The following RFX4 variants were observed in gnomAD, a reference collection of about 807,000 sequenced individuals.
RFX4 encodes regulatory factor X4.
Under a neutral mutation model 95.0 loss-of-function variants are expected in RFX4, and 10 were observed. The ratio of observed to expected loss-of-function variants is 0.11; its 90% CI spans 0.06 to 0.18. The LOEUF (loss-of-function observed/expected upper bound fraction) is 0.18, where lower values mean the gene tolerates loss of function less well. Ranked by LOEUF, RFX4 falls within the 10% of genes least tolerant of loss-of-function variation. The pLI is 1.00. For missense variants in RFX4, 640 were observed against 922.0 expected, an observed-to-expected ratio of 0.69 and a Z score of 3.96; for synonymous variants, 321 against 340.7, an observed-to-expected ratio of 0.94 and a Z score of 0.64.
chr12:106,701,080 A>G (rs537841436), intron 8 of RFX4, among the ~76,000 whole-genome samples: 1 of 152,314 alleles, frequency 6.6e-6, no homozygotes, highest in South Asian at 2.1e-4. Context: ...TCTAGTGGTA[A>G]CAAATTATTT....
intron 4 of RFX4, among the ~76,000 whole-genome samples, chr12:106,666,478 C>A (rs2041178402): frequency 6.6e-6 from 1 of 152,070 alleles, no homozygotes; most frequent in African/African-American, 2.4e-5. Context: ...AATTCTCAGT[C>A]ATTTTTGTTT....
intron 17 of RFX4, among the ~76,000 whole-genome samples, chr12:106,751,514 T>C (rs1266082961): frequency 6.6e-6 from 1 of 151,176 alleles, no homozygotes; most frequent in African/African-American, 2.4e-5. Context: ...ATCGCCACAC[T>C]GACTTCCACA....
intron 13 of RFX4, among the ~76,000 whole-genome samples, chr12:106,723,269 G>A (rs777042199): frequency 6.6e-6 from 1 of 152,164 alleles, no homozygotes; most frequent in Non-Finnish European, 1.5e-5. Context: ...AGTTACCAAA[G>A]GTAGGCTATC....
chr12:106,611,187 G>A (rs1313801954), intron 2 of RFX4, among the ~76,000 whole-genome samples: 1 of 152,104 alleles, frequency 6.6e-6, no homozygotes, highest in Admixed American at 6.5e-5. Context: ...AGTTGTAGGA[G>A]TTCTTCACAT....
At chr12:106,709,264 C>T (rs1317822254) in intron 8 of RFX4, 66 bp from the exon 9 acceptor site, 1 of 1,306,496 alleles carries the variant, frequency 7.7e-7, no homozygotes, top group African/African-American at 1.5e-5. Flanking sequence ...ATAAAACCCT[C>T]TAGGGGCCTG....
At position 106,620,452 on chromosome 12, in the gene RFX4, G is replaced by T. The variant is rs2040160464; in HGVS notation, c.130+11569G>T. ...TATTAAGGGTTTCAAAAGGGGAGGG[G>T]ATATAAGAACAGAGAGTAGGTACAA... is the stretch of plus-strand genomic sequence containing the variant. On this transcript the variant is annotated intron_variant, in intron 2 of 17. Transcript: ENST00000392842. 2.6e-5 allele frequency among the ~76,000 whole-genome samples: 4 copies of T among 152,174 alleles called. No homozygotes were observed. The South Asian group carries it at 8.3e-4, about 32-fold the overall frequency.
intron 13 of RFX4, 27 bp from the exon 14 acceptor site, chr12:106,732,103 T>C (rs1208949387): frequency 1.9e-6 from 3 of 1,610,740 alleles, no homozygotes; most frequent in Non-Finnish European, 2.5e-6. Context: ...CACGACTTAC[T>C]TTCTGTTTGA....
At chr12:106,675,313 C>T (rs1011593349) in intron 4 of RFX4, among the ~76,000 whole-genome samples, 1 of 152,088 alleles carries the variant, frequency 6.6e-6, no homozygotes, top group African/African-American at 2.4e-5. Flanking sequence ...TGCCTGTAAT[C>T]GCAGCTACTC....
intron 4 of RFX4, among the ~76,000 whole-genome samples, chr12:106,674,046 A>G (rs2041342889): frequency 1.3e-5 from 2 of 152,190 alleles, no homozygotes; most frequent in Admixed American, 1.3e-4. Context: ...CAGCTTACAA[A>G]GGCCTGCAAG....
At chr12:106,605,335 AATAGAGGCCTT>A (rs1432608098) in intron 1 of RFX4, among the ~76,000 whole-genome samples, 10 of 152,288 alleles carry the variant, frequency 6.6e-5, no homozygotes, top group African/African-American at 2.4e-4. Context: ...AGTTGACCTA[AATAGAGGCCTT>A]CCAGTCATAG....
intron 15 of RFX4, among the ~76,000 whole-genome samples, chr12:106,746,219 G>T (rs553089329): frequency 1.3e-5 from 2 of 152,194 alleles, no homozygotes; most frequent in Admixed American, 1.3e-4. Flanking sequence ...AGCCAGGCAT[G>T]GTGGTGTGCA....
At chr12:106,640,055 G>A (rs906147758) in intron 3 of RFX4, among the ~76,000 whole-genome samples, 41 of 152,270 alleles carry the variant, frequency 2.7e-4, no homozygotes, top group African/African-American at 9.1e-4. Flanking sequence ...AAGGAATGAC[G>A]GGGAAGGAAA....
chr12:106,659,985 A>G lies in RFX4; in HGVS notation c.315+5634A>G, dbSNP rs193059579. 1.3e-3 allele frequency among the ~76,000 whole-genome samples: 198 copies of G among 152,226 alleles called. 1 individual carries two copies. Among genetic ancestry groups the G allele is most frequent in the African/African-American group, 4.4e-3 (183 of 41,550 alleles). On this transcript the variant is annotated intron_variant, in intron 4 of 17. Coordinates refer to ENST00000392842, the MANE Select transcript of RFX4 (RefSeq NM_213594.3). ...GTCTCAGCCTCTGTGTATCTCAGGG[A>G]TCAAGTGTGCTGATCACTGCAGTTG...
chr12:106,609,047 G>A (rs11113054), intron 2 of RFX4, among the ~76,000 whole-genome samples, 164 bp downstream of exon 2: 11,539 of 152,182 alleles, frequency 0.076, 1,011 homozygotes, highest in African/African-American at 0.21. Flanking sequence ...ATTCCACAAT[G>A]GGGAGAGGAA....
intron 10 of RFX4, among the ~76,000 whole-genome samples, chr12:106,712,442 G>A (rs1592969807): frequency 6.6e-6 from 1 of 152,202 alleles, no homozygotes; most frequent in East Asian, 1.9e-4. Flanking sequence ...AATGTCACCT[G>A]CCTGCCCCCT....
At position 106,614,477 on chromosome 12, in the gene RFX4, CTGTGTG is replaced by C. The variant is rs34226201; in HGVS notation, c.130+5632_130+5637del. Among the ~76,000 whole-genome samples, 926 of 127,838 alleles carry C rather than the reference CTGTGTG, an allele frequency of 7.2e-3. 8 individuals carry two copies. The highest frequency in any genetic ancestry group is 0.022 in the African/African-American group (746 of 34,012). 83.9% of individuals were successfully genotyped at this position (127,838 alleles called of 152,430 possible). Reference sequence around the variant, plus strand: ...CCCGGCCCTTCTTCACGTCTTTTGCCTGTGTGTGTGTGTGTGTGTGTGTGTGTGTGT... The same window carrying C: ...CCCGGCCCTTCTTCACGTCTTTTGCCTGTGTGTGTGTGTGTGTGTGTGTGT... On this transcript the variant is annotated intron_variant, in intron 2 of 17. Transcript: ENST00000392842.
rs2042376274 is a variant in RFX4, at chr12:106,720,508, G to C, written c.1234-251G>C. Among the ~76,000 whole-genome samples, 1 of 152,048 alleles carries C rather than the reference G, an allele frequency of 6.6e-6. No homozygotes were observed. Among genetic ancestry groups the C allele is most frequent in the Non-Finnish European group, 1.5e-5 (1 of 68,014 alleles). ...TGTGATCCTCCCACCTCAGCCTCCT[G>C]AGTAGCTGGGACTACAGGGGTGTGC... is the stretch of plus-strand genomic sequence containing the variant. On this transcript the variant is annotated intron_variant, in intron 12 of 17. Transcript: ENST00000392842. The surrounding 1 kb of genome is among the most constrained non-coding windows in gnomAD (Gnocchi z 4.2).
At chr12:106,640,277 G>A (rs2040593917) in intron 3 of RFX4, among the ~76,000 whole-genome samples, 2 of 152,220 alleles carry the variant, frequency 1.3e-5, no homozygotes. Context: ...AAGTGGCTGG[G>A]TCTCTTTAAC....
At chr12:106,641,520 T>A (rs1239667897) in intron 3 of RFX4, among the ~76,000 whole-genome samples, 1 of 152,210 alleles carries the variant, frequency 6.6e-6, no homozygotes, top group Non-Finnish European at 1.5e-5. Flanking sequence ...CTCCCTGGCA[T>A]AGGCACAGCC....
Sources: gnomAD v4.1 joint callset for allele counts (sites outside exome capture counted in the v4.1 genomes callset) on GRCh38, gnomAD v4.1.1 for gene constraint, Gnocchi (gnomAD v3.1) non-coding constraint, MANE v1.5 for transcripts, NCBI Gene and HGNC (gene_info 2026-07-23, HGNC 2026-07-21) for gene names.